Variants in BAX observed in about 807,000 individuals in gnomAD.
BAX encodes the protein BCL2 associated X, apoptosis regulator, also known as apoptosis regulator BAX.
In BAX, 21 loss-of-function variants were observed where a neutral mutation model predicts 26.8. That is an observed-to-expected ratio of 0.78 (90% CI 0.56 to 1.13). The LOEUF is 1.13. BAX is among the 50% of genes most tolerant of loss of function. BAX has a pLI of 0.00. For synonymous variants in BAX, 110 were observed against 101.8 expected (o/e 1.08, Z -0.49); for missense variants, 236 against 254.6 (o/e 0.93, Z 0.50).
rs763131347 is a variant in BAX at position 48,955,732 on chromosome 19, G to C, written c.132G>C (p.Glu44Asp). The C allele has an allele frequency of 6.2e-7, 1 of 1,613,346 alleles. No homozygotes were observed. Among genetic ancestry groups the C allele is most frequent in the Non-Finnish European group, 8.5e-7 (1 of 1,179,626 alleles). The stretch of plus-strand genomic sequence containing the variant: ...GGCGAATGGGGGGGGAGGCACCCGA[G>C]CTGGCCCTGGACCCGGTGCCTCAGG... ...RAGRMGGEAPELALDPVPQDA... is the reference protein window; with the variant it reads ...RAGRMGGEAPDLALDPVPQDA... The change falls in exon 3 of 6, where the codon GAG (glutamate) becomes GAC (aspartate). Residue 44 changes from glutamate to aspartate, a missense_variant. Transcript: ENST00000345358.
chr19:48,956,556 A>G (rs950786002), intron 4 of BAX, among the ~76,000 whole-genome samples: 3 of 152,166 alleles, frequency 2.0e-5, no homozygotes, highest in African/African-American at 7.2e-5. Context: ...ACAGCACTGT[A>G]CAAAGCAGGC....
chr19:48,957,701 C>T (rs1159540555), intron 4 of BAX, among the ~76,000 whole-genome samples: 2 of 152,138 alleles, frequency 1.3e-5, no homozygotes, highest in Admixed American at 1.3e-4. Context: ...CCTTGACTTG[C>T]AATGGTGTTA....
intron 4 of BAX, among the ~76,000 whole-genome samples, chr19:48,960,593 C>T (rs1381954580): frequency 6.6e-6 from 1 of 152,168 alleles, no homozygotes; most frequent in Admixed American, 6.5e-5. Context: ...GAACTCCCGA[C>T]CTCAAGTGAT....
At chr19:48,960,953 C>T in intron 5 of BAX, 39 bp downstream of exon 5, 2 of 1,613,170 alleles carry the variant, frequency 1.2e-6, no homozygotes, top group Non-Finnish European at 1.7e-6. Context: ...ACCACCGCGC[C>T]CTCACCACCG....
intron 4 of BAX, among the ~76,000 whole-genome samples, chr19:48,958,195 T>C (rs2038212581): frequency 6.6e-6 from 1 of 151,336 alleles, no homozygotes; most frequent in Non-Finnish European, 1.5e-5. Context: ...GTCAAGCAGT[T>C]CTCTCGCCTC....
Position 48,961,598 on chromosome 19 carries a change from C to T in BAX, c.541C>T (p.Leu181Phe). ...CGTGACCATCTTTGTGGCGGGAGTG[C>T]TCACCGCCTCACTCACCATCTGGAA... ...QTVTIFVAGV[L>F]TASLTIWKKM... The change falls in exon 6 of 6, where the codon CTC becomes TTC. Residue 181 changes from leucine (L) to phenylalanine (F), a missense_variant. Coordinates refer to ENST00000345358, the MANE Select transcript of BAX (RefSeq NM_138761.4). The T allele has an allele frequency of 6.3e-7, 1 of 1,599,106 alleles. No homozygotes were observed. The highest frequency in any genetic ancestry group is 8.5e-7 in the Non-Finnish European group (1 of 1,172,848).
chr19:48,960,172 T>G (rs2038300479), intron 4 of BAX: 1 of 429,336 alleles, frequency 2.3e-6, no homozygotes, highest in East Asian at 7.2e-5. Flanking sequence ...AGTAACATTA[T>G]CTTGTTTACA....
At position 48,960,930 on chromosome 19, in the gene BAX, C is replaced by G; in HGVS notation, c.474+16C>G. On this transcript the variant is annotated intron_variant, in intron 5 of 5. Transcript: ENST00000345358. ...GGGTGGTTGGGTGAGACTCCTCAAG[C>G]CTCCTCACCCCCACCACCGCGCCCT... 1 of 1,613,654 alleles carries G rather than the reference C, an allele frequency of 6.2e-7. No individual in the cohort carries two copies. The highest frequency in any genetic ancestry group is 8.5e-7 in the Non-Finnish European group (1 of 1,179,856).
chr19:48,955,731 A>T lies in BAX; in HGVS notation c.131A>T (p.Glu44Val). Residue 44 changes from glutamate to valine, a missense_variant, in exon 3 of 6, where the codon GAG (glutamate) becomes GTG (valine). Coordinates refer to ENST00000345358, the MANE Select transcript of BAX (RefSeq NM_138761.4). ...RAGRMGGEAPELALDPVPQDA... is the reference protein window; with the variant it reads ...RAGRMGGEAPVLALDPVPQDA... ...GGGCGAATGGGGGGGGAGGCACCCG[A>T]GCTGGCCCTGGACCCGGTGCCTCAG... 1 of 1,613,208 alleles carries T rather than the reference A, an allele frequency of 6.2e-7. No individual in the cohort carries two copies. Among genetic ancestry groups the T allele is most frequent in the Non-Finnish European group, 8.5e-7 (1 of 1,179,594 alleles).
chr19:48,957,360 T>C (rs570566760), intron 4 of BAX, among the ~76,000 whole-genome samples: 62 of 130,690 alleles, frequency 4.7e-4, no homozygotes, highest in African/African-American at 1.7e-3. Context: ...CTGCAACCTC[T>C]GCCTCCCGGG....
chr19:48,960,765 G>C, intron 4 of BAX, 45 bp from the exon 5 acceptor site: 3 of 1,497,662 alleles, frequency 2.0e-6, no homozygotes, highest in Non-Finnish European at 2.7e-6. Context: ...TCTCCAGGCA[G>C]TGGGGACAAG....
intron 4 of BAX, among the ~76,000 whole-genome samples, chr19:48,958,824 C>T (rs1400334081): frequency 6.6e-6 from 1 of 151,968 alleles, no homozygotes; most frequent in East Asian, 2.0e-4. Context: ...GGATTACAGG[C>T]GTGAGCCACC....
At chr19:48,957,239 G>A (rs781717502) in intron 4 of BAX, among the ~76,000 whole-genome samples, 2 of 147,430 alleles carry the variant, frequency 1.4e-5, no homozygotes, top group African/African-American at 2.5e-5. Flanking sequence ...GGAGTTTTTC[G>A]GGCTGCTGGA....
At chr19:48,960,027 A>C (rs7259013) in intron 4 of BAX, among the ~76,000 whole-genome samples, 50,412 of 147,570 alleles carry the variant, frequency 0.34, 8,695 homozygotes, top group Middle Eastern at 0.44. Context: ...AGCGAGGCAC[A>C]AAACAGGAAG....
intron 1 of BAX, 37 bp downstream of exon 1, chr19:48,954,999 C>A (rs764675609): frequency 8.1e-7 from 1 of 1,239,926 alleles, no homozygotes; most frequent in Non-Finnish European, 1.0e-6. Context: ...GGAGGGCGAG[C>A]CCCCTCGCCG....
intron 4 of BAX, among the ~76,000 whole-genome samples, chr19:48,956,864 G>A (rs1201503087): frequency 7.9e-6 from 1 of 125,912 alleles, no homozygotes; most frequent in Non-Finnish European, 1.6e-5. Context: ...GTAGAGACGG[G>A]TTTCACCATG....
Position 48,961,663 on chromosome 19 carries a change from T to A in BAX, c.*27T>A. The A allele has an allele frequency of 6.5e-7, 1 of 1,549,456 alleles. No individual in the cohort carries two copies. Among genetic ancestry groups the A allele is most frequent in the Non-Finnish European group, 8.8e-7 (1 of 1,138,046 alleles). On this transcript the variant is annotated 3_prime_UTR_variant, in exon 6 of 6. Coordinates refer to ENST00000345358, the MANE Select transcript of BAX (RefSeq NM_138761.4). ...GCCCCCAGCTGCCTTGGACTGTGTTTTTCCTCCATAAATTATGGCATTTTT... is the reference window on the plus strand; with the variant it reads ...GCCCCCAGCTGCCTTGGACTGTGTTATTCCTCCATAAATTATGGCATTTTT...
rs4645888 is a variant in BAX at position 48,957,301 on chromosome 19, G to A, written c.369+968G>A. On this transcript the variant is annotated intron_variant, in intron 4 of 5. Coordinates refer to ENST00000345358, the MANE Select transcript of BAX (RefSeq NM_138761.4). ...TTTTTTTTTTTTTTTTTGAGACAGAGTCTCACTTTGTTGCCCAGGCTGGAG... is the reference window on the plus strand; with the variant it reads ...TTTTTTTTTTTTTTTTTGAGACAGAATCTCACTTTGTTGCCCAGGCTGGAG... 5.1e-3 allele frequency among the ~76,000 whole-genome samples: 458 copies of A among 89,348 alleles called. 5 individuals carry two copies. The highest frequency in any genetic ancestry group is 0.018 in the African/African-American group (427 of 23,512). The allele number at this position is 89,348 out of a possible 152,430, so 58.6% of individuals were successfully genotyped here.
chr19:48,961,376 C>CTGGG (rs1164224371), intron 5 of BAX, 156 bp from the exon 6 acceptor site: 1 of 1,203,262 alleles, frequency 8.3e-7, no homozygotes, highest in Non-Finnish European at 1.1e-6. Context: ...TGTGAGCCAC[C>CTGGG]ATGCCTGGCC....
Sources: gnomAD v4.1 joint callset for allele counts (sites outside exome capture counted in the v4.1 genomes callset) on GRCh38, gnomAD v4.1.1 for gene constraint, MANE v1.5 for transcripts, NCBI Gene and HGNC (gene_info 2026-07-23, HGNC 2026-07-21) for gene names.